ARHGAP44: variants seen among roughly 807,000 people sequenced by gnomAD.
ARHGAP44 encodes Rho GTPase activating protein 44.
A neutral mutation model predicts 106.8 loss-of-function variants in ARHGAP44; 43 were observed. The ratio of observed to expected loss-of-function variants is 0.40; its 90% CI spans 0.32 to 0.52. The LOEUF is 0.52. ARHGAP44 is among the 20% of genes least tolerant of loss of function. The probability of loss-of-function intolerance (pLI) is 0.48; values close to 1 mark genes in which losing one functional copy is unlikely to be tolerated. For synonymous variants in ARHGAP44, 439 were observed against 410.3 expected (o/e 1.07, Z -0.85); for missense variants, 866 against 1,050.5 (o/e 0.82, Z 2.43).
intron 1 of ARHGAP44, among the ~76,000 whole-genome samples, chr17:12,862,824 G>A (rs1567655324): frequency 6.6e-6 from 1 of 151,932 alleles, no homozygotes; most frequent in Non-Finnish European, 1.5e-5. Context: ...GTGAGATCCT[G>A]TCTCTATAAA....
chr17:12,933,135 GTTTTAAATA>G (rs2038448957), intron 7 of ARHGAP44, among the ~76,000 whole-genome samples: 1 of 152,148 alleles, frequency 6.6e-6, no homozygotes, highest in Non-Finnish European at 1.5e-5. Flanking sequence ...GTTGCCAACT[GTTTTAAATA>G]TCTACCTTGG....
chr17:12,939,011 C>A (rs141469136), intron 7 of ARHGAP44, among the ~76,000 whole-genome samples: 3 of 152,164 alleles, frequency 2.0e-5, no homozygotes, highest in African/African-American at 4.8e-5. Flanking sequence ...GTCTACTGAG[C>A]CATTTGTATC....
chr17:12,881,802 T>C (rs1389086530), intron 1 of ARHGAP44, among the ~76,000 whole-genome samples: 1 of 152,154 alleles, frequency 6.6e-6, no homozygotes, highest in African/African-American at 2.4e-5. Flanking sequence ...CAAGAGATCT[T>C]TCTGCCTCAG....
At chr17:12,865,414 T>G (rs1187981276) in intron 1 of ARHGAP44, among the ~76,000 whole-genome samples, 2 of 152,228 alleles carry the variant, frequency 1.3e-5, no homozygotes, top group African/African-American at 4.8e-5. Flanking sequence ...GTTTATTACT[T>G]GTGTAATTTC....
intron 6 of ARHGAP44, among the ~76,000 whole-genome samples, chr17:12,922,796 G>A (rs7213939): frequency 0.16 from 24,343 of 151,950 alleles, 2,781 homozygotes; most frequent in East Asian, 0.37. Flanking sequence ...ACGGGGTTTC[G>A]CCATGTTGGC....
At position 12,974,317 on chromosome 17, in the gene ARHGAP44, G is replaced by A; in HGVS notation, c.1763+7G>A. 7.2e-7 allele frequency: 1 copy of A among 1,397,414 alleles called. No homozygotes were observed. Among genetic ancestry groups the A allele is most frequent in the Non-Finnish European group, 9.2e-7 (1 of 1,082,642 alleles). 86.6% of individuals were successfully genotyped at this position (1,397,414 alleles called of 1,614,324 possible). On this transcript the variant is annotated splice_region_variant and intron_variant, in intron 18 of 20. Coordinates refer to ENST00000379672, the MANE Select transcript of ARHGAP44 (RefSeq NM_014859.6). ...CTGGGCCCGAGCGCACCAGGTAAGC[G>A]CGGGCCACTGCCGTCCGGGCGGGCT...
chr17:12,886,148 T>A (rs2036876301), intron 1 of ARHGAP44, among the ~76,000 whole-genome samples: 1 of 152,166 alleles, frequency 6.6e-6, no homozygotes, highest in African/African-American at 2.4e-5. Context: ...CTGATCATAT[T>A]TGTCTAGGTC....
At chr17:12,979,362 G>A (rs895003701) in intron 18 of ARHGAP44, among the ~76,000 whole-genome samples, 1 of 152,134 alleles carries the variant, frequency 6.6e-6, no homozygotes, top group Non-Finnish European at 1.5e-5. Context: ...GGTGACCTAG[G>A]GTGCCTCATT....
At chr17:12,833,388 G>A (rs927066378) in intron 1 of ARHGAP44, among the ~76,000 whole-genome samples, 7 of 152,152 alleles carry the variant, frequency 4.6e-5, no homozygotes, top group Non-Finnish European at 7.3e-5. Flanking sequence ...CTAGCTTAAA[G>A]TCGGTGCCTC....
At chr17:12,972,591 T>A (rs73292401) in intron 16 of ARHGAP44, among the ~76,000 whole-genome samples, 40,275 of 151,096 alleles carry the variant, frequency 0.27, 6,483 homozygotes, top group African/African-American at 0.46. Context: ...GAGGTTGCAG[T>A]GAGTGGAGAT....
intron 20 of ARHGAP44, chr17:12,987,465 A>G (rs1274715489): frequency 3.6e-6 from 1 of 278,710 alleles, no homozygotes; most frequent in Non-Finnish European, 6.8e-6. Context: ...TCAGGCTTAG[A>G]CCGTGGAGCT....
chr17:12,857,306 T>A (rs943340760), intron 1 of ARHGAP44, among the ~76,000 whole-genome samples: 5 of 152,204 alleles, frequency 3.3e-5, no homozygotes, highest in Admixed American at 6.5e-5. Flanking sequence ...GGGTAATTTA[T>A]AAAGAATAGA....
At chr17:12,825,511 G>A (rs1156788333) in intron 1 of ARHGAP44, among the ~76,000 whole-genome samples, 1 of 151,972 alleles carries the variant, frequency 6.6e-6, no homozygotes, top group East Asian at 1.9e-4. Context: ...TGTTAAGCTT[G>A]AAATCTGCCG....
chr17:12,981,360 T>G (rs1259827182), intron 19 of ARHGAP44, among the ~76,000 whole-genome samples: 1 of 151,750 alleles, frequency 6.6e-6, no homozygotes, highest in African/African-American at 2.4e-5. Context: ...CCAGCACCAA[T>G]GGTTTCTCCT....
At chr17:12,904,842 A>C (rs1456064983) in intron 3 of ARHGAP44, among the ~76,000 whole-genome samples, 1 of 152,160 alleles carries the variant, frequency 6.6e-6, no homozygotes, top group African/African-American at 2.4e-5. Context: ...GAAGTGGTTG[A>C]GGGATGAGTG....
intron 2 of ARHGAP44, 22 bp downstream of exon 2, chr17:12,895,001 G>T: frequency 6.4e-7 from 1 of 1,574,662 alleles, no homozygotes; most frequent in Non-Finnish European, 8.6e-7. Flanking sequence ...ATTGACACTG[G>T]CTCACAGATA....
In ARHGAP44 at chr17:12,944,157, G is replaced by T. The variant is rs748906405; in HGVS notation, c.822G>T (p.Ala274=). 1.9e-6 allele frequency: 3 copies of T among 1,612,208 alleles called. No homozygotes were observed. Among genetic ancestry groups the T allele is most frequent in the East Asian group, 2.2e-5 (1 of 44,834 alleles). The change falls in exon 10 of 21, where the codon GCG becomes GCT. Residue 274 remains alanine (A), a synonymous_variant. Coordinates refer to ENST00000379672, the MANE Select transcript of ARHGAP44 (RefSeq NM_014859.6). The part of the protein sequence containing the change: ...SGREIAFPIE[A]CVTMLLECGM... ...GGGAGATCGCCTTCCCCATCGAGGCGTGTGTGACCATGCTGCTTGAGTGTG... is the reference window on the plus strand; with the variant it reads ...GGGAGATCGCCTTCCCCATCGAGGCTTGTGTGACCATGCTGCTTGAGTGTG...
At position 12,944,129 on chromosome 17, in the gene ARHGAP44, G is replaced by A; in HGVS notation, c.794G>A (p.Gly265Asp). 1 of 1,612,924 alleles carries A rather than the reference G, an allele frequency of 6.2e-7. No homozygotes were observed. The highest frequency in any genetic ancestry group is 8.5e-7 in the Non-Finnish European group (1 of 1,179,774). Residue 265 changes from glycine to aspartate, a missense_variant, in exon 10 of 21, where the codon GGC becomes GAC. Transcript: ENST00000379672. ...CTGGAGGAGCACCTCACCATCAGCG[G>A]CCGGGAGATCGCCTTCCCCATCGAG... ...KPLEEHLTIS[G>D]REIAFPIEAC...
chr17:12,970,365 CAAA>C (rs66577680), intron 16 of ARHGAP44, among the ~76,000 whole-genome samples: 2,776 of 55,086 alleles, frequency 0.05, 58 homozygotes, highest in African/African-American at 0.11. Context: ...GACCCTGTCT[CAAA>C]AAAAAAAAAA....
Sources: gnomAD v4.1 joint callset for allele counts (sites outside exome capture counted in the v4.1 genomes callset) on GRCh38, gnomAD v4.1.1 for gene constraint, MANE v1.5 for transcripts, NCBI Gene and HGNC (gene_info 2026-07-23, HGNC 2026-07-21) for gene names.